The following MKRN2OS variants were observed in gnomAD, a reference collection of about 807,000 sequenced individuals.
MKRN2OS encodes MKRN2 opposite strand protein.
Under a neutral mutation model 18.2 loss-of-function variants are expected in MKRN2OS, and 17 were observed. That is an observed-to-expected ratio of 0.93 (90% confidence interval 0.64 to 1.40). MKRN2OS has a LOEUF of 1.40. Among genes scored for constraint, MKRN2OS ranks in the 40% most tolerant of loss-of-function variants. The pLI is 0.00. For missense variants in MKRN2OS, 337 were observed against 283.0 expected (o/e 1.19, Z -1.37); for synonymous variants, 121 against 108.5 (o/e 1.12, Z -0.72).
In MKRN2OS at chr3:12,540,104, C is replaced by A. The variant is rs1575499242; in HGVS notation, c.*89G>T. 6.6e-7 allele frequency: 1 copy of A among 1,505,084 alleles called. No individual in the cohort carries two copies. The highest frequency in any genetic ancestry group is 2.0e-5 in the Admixed American group (1 of 50,128). The allele number at this position is 1,505,084 out of a possible 1,614,324, so 93.2% of individuals were successfully genotyped here. A position where few individuals can be genotyped will look rare whatever the true frequency, so the allele number is the denominator to read the frequency against. On this transcript the variant is annotated 3_prime_UTR_variant, in exon 4 of 4. Transcript: ENST00000564146. ...CCGGCCCATACACGCTTTTATTAAC[C>A]ACAGTTAAATGCATTTAGAAATCCA...
chr3:12,557,110 G>A (rs1186089517), intron 1 of MKRN2OS: 2 of 1,491,704 alleles, frequency 1.3e-6, no homozygotes, highest in South Asian at 1.3e-5. Context: ...CAGCGGCTGC[G>A]AGAGGCGGCG....
chr3:12,539,896 C>T lies in MKRN2OS; in HGVS notation c.*297G>A. The T allele has an allele frequency of 2.9e-6, 1 of 339,740 alleles. No homozygotes were observed. Among genetic ancestry groups the T allele is most frequent in the Non-Finnish European group, 5.6e-6 (1 of 177,758 alleles). 21.0% of individuals were successfully genotyped at this position (339,740 alleles called of 1,614,324 possible). A position where few individuals can be genotyped will look rare whatever the true frequency, so the allele number is the denominator to read the frequency against. ...CGCCTCCCGGGTTCAAGCGATTCTC[C>T]TGCTTCAGCCTCCCTAGTAGTTGGG... On this transcript the variant is annotated 3_prime_UTR_variant, in exon 4 of 4. Transcript: ENST00000564146.
upstream of MKRN2OS, among the ~76,000 whole-genome samples, chr3:12,548,336 T>C (rs2057901731): frequency 6.6e-6 from 1 of 151,908 alleles, no homozygotes. Context: ...CAGTCCCAGC[T>C]ACTCGGGAGG....
intron 3 of MKRN2OS, among the ~76,000 whole-genome samples, chr3:12,540,701 C>A (rs1178623930): frequency 2.0e-5 from 3 of 151,926 alleles, no homozygotes; most frequent in African/African-American, 7.3e-5. Flanking sequence ...TGGTGAAACC[C>A]CGTCCCTACA....
upstream of MKRN2OS, among the ~76,000 whole-genome samples, chr3:12,550,115 C>T (rs1439614559): frequency 2.0e-5 from 3 of 152,160 alleles, no homozygotes; most frequent in African/African-American, 4.8e-5. Context: ...GAATGAAAAC[C>T]TACGTCCACA....
chr3:12,551,226 C>T (rs2057927323), downstream of MKRN2OS, among the ~76,000 whole-genome samples: 1 of 150,896 alleles, frequency 6.6e-6, no homozygotes, highest in South Asian at 2.1e-4. Context: ...GGCACAATGG[C>T]TCACGCCTGT....
chr3:12,544,045 C>G (rs984442278), intron 1 of MKRN2OS, among the ~76,000 whole-genome samples: 1 of 152,198 alleles, frequency 6.6e-6, no homozygotes, highest in Non-Finnish European at 1.5e-5. Flanking sequence ...CCTCCCTGAG[C>G]AAGGCCCAGG....
At chr3:12,544,583 G>A (rs2057860064) in intron 1 of MKRN2OS, among the ~76,000 whole-genome samples, 1 of 151,902 alleles carries the variant, frequency 6.6e-6, no homozygotes, top group African/African-American at 2.4e-5. Flanking sequence ...GCCTGAGGCA[G>A]GCTCCCGAAA....
chr3:12,542,144 G>T, intron 2 of MKRN2OS, 122 bp from the exon 3 acceptor site: 1 of 1,027,760 alleles, frequency 9.7e-7, no homozygotes. Flanking sequence ...CAGGGTGGAG[G>T]TTCTAGAATC....
At chr3:12,558,571 C>T (rs897361996) in intron 1 of MKRN2OS, among the ~76,000 whole-genome samples, 1 of 152,182 alleles carries the variant, frequency 6.6e-6, no homozygotes, top group African/African-American at 2.4e-5. Flanking sequence ...TGAATCTCAA[C>T]TCTGTAGTAT....
intron 1 of MKRN2OS, chr3:12,556,985 T>C: frequency 1.4e-6 from 1 of 704,396 alleles, no homozygotes; most frequent in East Asian, 3.6e-5. Flanking sequence ...TGACGACGGC[T>C]AGGTTACCCG....
intron 1 of MKRN2OS, chr3:12,557,211 C>G (rs1236351030): frequency 9.1e-6 from 14 of 1,530,170 alleles, no homozygotes; most frequent in Non-Finnish European, 1.1e-5. Flanking sequence ...TCGGGCCGCT[C>G]CCCCAGGCCG....
At position 12,556,668 on chromosome 3, in the gene MKRN2OS, A is replaced by T. The variant is rs541946470; in HGVS notation, n.265-2534T>A. Among the ~76,000 whole-genome samples the T allele has an allele frequency of 3.3e-5, 5 of 151,934 alleles. No individual in the cohort carries two copies. In the East Asian group the frequency reaches 9.7e-4, roughly 30 times the overall value. On this transcript the variant is annotated intron_variant and non_coding_transcript_variant, in intron 1 of 1. Coordinates refer to the MKRN2OS transcript ENST00000447550. ...TAAGTGGGAGGCGAGGTCCGGCGGG[A>T]ACAGTTGAGGCAGGGCCTGAGAAGG...
At chr3:12,543,127 G>A (rs2057838246) in intron 2 of MKRN2OS, 53 bp downstream of exon 2, 2 of 1,406,706 alleles carry the variant, frequency 1.4e-6, no homozygotes, top group Admixed American at 2.1e-5. Flanking sequence ...CACAAATACT[G>A]CTTTCCTTTT....
At chr3:12,546,980 C>T (rs544843009), upstream of MKRN2OS, among the ~76,000 whole-genome samples, 5 of 152,262 alleles carry the variant, frequency 3.3e-5, no homozygotes, top group African/African-American at 7.2e-5. Flanking sequence ...TGCTGGTGCA[C>T]GCCTGTAGTC....
At chr3:12,544,814 C>A (rs1405955356) in intron 1 of MKRN2OS, among the ~76,000 whole-genome samples, 1 of 152,172 alleles carries the variant, frequency 6.6e-6, no homozygotes, top group East Asian at 1.9e-4. Flanking sequence ...TAGATCAGTT[C>A]TAGTCTTCAG....
rs1035253884 is a variant in MKRN2OS at position 12,541,981 on chromosome 3, C to T, written c.310G>A (p.Gly104Arg). The stretch of plus-strand genomic sequence containing the variant: ...CTTATGCTCTCTTCCCACCCTTCTC[C>T]GTCTCGCTGGACACCATGTGCACTG... Reference protein sequence around the residue: ...NYSAHGVQRDGEGWEESISIP... With the variant: ...NYSAHGVQRDREGWEESISIP... Residue 104 changes from glycine to arginine, a missense_variant, in exon 3 of 4, where the codon GGA (glycine) becomes AGA (arginine). Transcript: ENST00000564146. The T allele has an allele frequency of 1.8e-5, 27 of 1,535,932 alleles. No homozygotes were observed. The highest frequency in any genetic ancestry group is 4.1e-5 in the African/African-American group (3 of 73,022).
downstream of MKRN2OS, among the ~76,000 whole-genome samples, chr3:12,552,451 G>A (rs1274170096): frequency 7.1e-6 from 1 of 140,112 alleles, no homozygotes; most frequent in Non-Finnish European, 1.5e-5. Flanking sequence ...TCACTCTGTC[G>A]TCCAGGCTGG....
intron 1 of MKRN2OS, chr3:12,557,044 C>A (rs1162547749): frequency 6.5e-6 from 7 of 1,083,350 alleles, no homozygotes; most frequent in South Asian, 2.6e-5. Flanking sequence ...CGCCGGCGTG[C>A]GCCGGCGTGA....
Sources: allele counts gnomAD v4.1 joint callset (sites outside exome capture counted in the v4.1 genomes callset), GRCh38; gene constraint gnomAD v4.1.1; transcripts MANE v1.5; gene names NCBI Gene and HGNC (gene_info 2026-07-23, HGNC 2026-07-21).